The following RBFOX1 variants were observed in gnomAD, a reference collection of about 807,000 sequenced individuals.
RBFOX1 encodes RNA binding fox-1 homolog 1, also known as RNA binding protein fox-1 homolog 1.
In RBFOX1, 8 loss-of-function variants were observed where a neutral mutation model predicts 57.7. The ratio of observed to expected loss-of-function variants is 0.14; its 90% CI spans 0.08 to 0.25. The LOEUF (loss-of-function observed/expected upper bound fraction) is 0.25, where lower values mean the gene tolerates loss of function less well. RBFOX1 is among the 10% of genes least tolerant of loss of function. RBFOX1 has a pLI of 1.00. For synonymous variants in RBFOX1, 326 were observed against 222.4 expected (o/e 1.47, Z -4.15); for missense variants, 611 against 548.5 (o/e 1.11, Z -1.14).
chr16:7,127,036 C>T (rs1300008539), intron 4 of RBFOX1, among the ~76,000 whole-genome samples: 10 of 149,138 alleles, frequency 6.7e-5, no homozygotes, highest in Admixed American at 6.7e-4. Context: ...AAAATTATTG[C>T]AGACCTAAGA....
intron 4 of RBFOX1, among the ~76,000 whole-genome samples, chr16:7,104,931 C>G (rs933511651): frequency 2.6e-5 from 4 of 152,088 alleles, no homozygotes; most frequent in Admixed American, 6.6e-5. Context: ...ACTCAGAAAT[C>G]TCTGTGCTTG....
intron 3 of RBFOX1, among the ~76,000 whole-genome samples, chr16:6,994,622 G>C (rs910364341): frequency 6.6e-6 from 1 of 152,102 alleles, no homozygotes; most frequent in East Asian, 1.9e-4. Context: ...CTAGTGTTTT[G>C]ATTACATCAA....
At chr16:7,341,069 G>A (rs1351558832) in intron 4 of RBFOX1, among the ~76,000 whole-genome samples, 1 of 152,000 alleles carries the variant, frequency 6.6e-6, no homozygotes, top group Non-Finnish European at 1.5e-5. Flanking sequence ...AGGTTGTTTT[G>A]GGTAAGTGCT....
chr16:5,953,560 T>G (rs565023829), intron 4 of RBFOX1, among the ~76,000 whole-genome samples: 1 of 152,120 alleles, frequency 6.6e-6, no homozygotes, highest in African/African-American at 2.4e-5. Flanking sequence ...CCTCATAGCT[T>G]AGCTCCCACT....
At chr16:6,481,644 G>C (rs994673736) in intron 2 of RBFOX1, among the ~76,000 whole-genome samples, 4 of 152,034 alleles carry the variant, frequency 2.6e-5, no homozygotes, top group East Asian at 3.9e-4. Context: ...ACCCCTTTTT[G>C]CCATTTTACC....
At chr16:7,131,703 A>G (rs1030730381) in intron 4 of RBFOX1, among the ~76,000 whole-genome samples, 1 of 151,966 alleles carries the variant, frequency 6.6e-6, no homozygotes, top group African/African-American at 2.4e-5. Flanking sequence ...ACAGTAAGCC[A>G]AGCATAACCG....
At chr16:6,037,828 C>T (rs1429702463) in intron 1 of RBFOX1, 2 of 152,198 alleles carry the variant, frequency 1.3e-5, no homozygotes, top group Non-Finnish European at 1.5e-5. Context: ...CTCCTGAACT[C>T]AGACAATCTG....
At chr16:7,654,662 G>A (rs1329516991) in intron 12 of RBFOX1, among the ~76,000 whole-genome samples, 4 of 152,174 alleles carry the variant, frequency 2.6e-5, no homozygotes, top group African/African-American at 9.7e-5. Context: ...TGATACTGGT[G>A]TGTTTGGTGG....
chr16:7,245,948 A>T (rs750744056), intron 4 of RBFOX1, among the ~76,000 whole-genome samples: 1 of 152,210 alleles, frequency 6.6e-6, no homozygotes, highest in Admixed American at 6.5e-5. Context: ...AACAAACACA[A>T]TTAGCCCATC....
chr16:7,365,177 T>C (rs1003472172), intron 4 of RBFOX1, among the ~76,000 whole-genome samples: 9 of 152,214 alleles, frequency 5.9e-5, no homozygotes, highest in South Asian at 2.1e-4. Context: ...GGGAGACTTT[T>C]TCTTTCCTCT....
chr16:6,456,679 C>T (rs1466463136), intron 2 of RBFOX1, among the ~76,000 whole-genome samples: 1 of 152,142 alleles, frequency 6.6e-6, no homozygotes, highest in Non-Finnish European at 1.5e-5. Context: ...AGGGCGGTTG[C>T]AGGCTGATGG....
In RBFOX1 at chr16:7,474,980, T is replaced by C. The variant is rs1309294761; in HGVS notation, c.28-43167T>C. ...AGCCGCCATCTTTCCCTTTGATTTT[T>C]GAATGTCCCAGGATGGTACTCTAGA... On this transcript the variant is annotated intron_variant, in intron 4 of 15. Coordinates refer to ENST00000550418, the MANE Select transcript of RBFOX1 (RefSeq NM_018723.4). Among the ~76,000 whole-genome samples, 3 of 152,306 alleles carry C rather than the reference T, an allele frequency of 2.0e-5. No individual in the cohort carries two copies. The East Asian group carries it at 5.8e-4, about 29-fold the overall frequency.
At chr16:6,367,895 A>T (rs2089890309) in intron 2 of RBFOX1, among the ~76,000 whole-genome samples, 1 of 152,166 alleles carries the variant, frequency 6.6e-6, no homozygotes, top group Non-Finnish European at 1.5e-5. Flanking sequence ...CTACTGTGAA[A>T]CTCAAACCCT....
intron 4 of RBFOX1, among the ~76,000 whole-genome samples, chr16:7,371,612 T>A (rs978109099): frequency 6.6e-6 from 1 of 152,058 alleles, no homozygotes; most frequent in Non-Finnish European, 1.5e-5. Flanking sequence ...TAGCTGGGTG[T>A]GGTGGCAGGC....
chr16:7,061,687 C>T (rs2054337298), intron 4 of RBFOX1, among the ~76,000 whole-genome samples: 1 of 152,162 alleles, frequency 6.6e-6, no homozygotes, highest in Non-Finnish European at 1.5e-5. Context: ...AAATCTATTC[C>T]CATTTCTTGC....
intron 2 of RBFOX1, among the ~76,000 whole-genome samples, chr16:6,428,433 T>C (rs2093990500): frequency 6.6e-6 from 1 of 152,082 alleles, no homozygotes; most frequent in Non-Finnish European, 1.5e-5. Flanking sequence ...CTAATGTATG[T>C]GTATGTAGTT....
At chr16:6,748,076 T>C (rs1054606731) in intron 3 of RBFOX1, among the ~76,000 whole-genome samples, 2 of 152,214 alleles carry the variant, frequency 1.3e-5, no homozygotes, top group African/African-American at 2.4e-5. Flanking sequence ...GATACTTTTT[T>C]TGTGTTAACT....
chr16:6,692,019 C>T (rs920908948), intron 3 of RBFOX1, among the ~76,000 whole-genome samples: 4 of 152,128 alleles, frequency 2.6e-5, no homozygotes, highest in Admixed American at 2.6e-4. Flanking sequence ...GAAACACAGC[C>T]CTGCCTGTTG....
chr16:6,376,462 T>G (rs1255558420), intron 2 of RBFOX1, among the ~76,000 whole-genome samples: 1 of 152,246 alleles, frequency 6.6e-6, no homozygotes, highest in African/African-American at 2.4e-5. Context: ...GGGTGAATCC[T>G]TCGTTGCCTT....
Sources: allele counts gnomAD v4.1 joint callset (sites outside exome capture counted in the v4.1 genomes callset), GRCh38; gene constraint gnomAD v4.1.1; transcripts MANE v1.5; gene names NCBI Gene and HGNC (gene_info 2026-07-23, HGNC 2026-07-21).